WDR35: variants seen among roughly 807,000 people sequenced by gnomAD.
WDR35 encodes the protein WD repeat-containing protein 35.
In WDR35, 118 loss-of-function variants were observed where a neutral mutation model predicts 158.3. That is an observed-to-expected ratio of 0.75 (90% confidence interval 0.64 to 0.87). WDR35 has a LOEUF of 0.87. Ranked by LOEUF, WDR35 falls within the 40% of genes least tolerant of loss-of-function variation. The pLI, the probability that WDR35 is intolerant of heterozygous loss-of-function variation, is 0.00. For synonymous variants in WDR35, 448 were observed against 476.1 expected, an observed-to-expected ratio of 0.94 and a Z score of 0.77; for missense variants, 1,263 against 1,405.8, an observed-to-expected ratio of 0.90 and a Z score of 1.62.
At chr2:19,987,823 C>CAAAAAA (rs34794090) in intron 2 of WDR35, among the ~76,000 whole-genome samples, 1 of 57,164 alleles carries the variant, frequency 1.7e-5, no homozygotes, top group East Asian at 4.7e-4. Flanking sequence ...AACTCTGTCT[C>CAAAAAA]AAAAAAAAAA....
intron 9 of WDR35, among the ~76,000 whole-genome samples, chr2:19,967,749 G>A (rs1439188167): frequency 6.6e-6 from 1 of 152,028 alleles, no homozygotes; most frequent in Non-Finnish European, 1.5e-5. Flanking sequence ...TAGATGGACA[G>A]AAAAGTTGCA....
intron 15 of WDR35, among the ~76,000 whole-genome samples, 171 bp downstream of exon 15, chr2:19,946,290 G>A (rs866597780): frequency 4.6e-5 from 7 of 152,162 alleles, no homozygotes; most frequent in Non-Finnish European, 2.9e-5. Context: ...ACTTCCACAC[G>A]CCCAATTAAA....
intron 10 of WDR35, among the ~76,000 whole-genome samples, chr2:19,961,129 T>C (rs1299828024): frequency 6.6e-6 from 1 of 152,076 alleles, no homozygotes; most frequent in African/African-American, 2.4e-5. Flanking sequence ...AACATCAAAT[T>C]TATGGTGCAG....
chr2:19,951,590 T>C lies in WDR35; in HGVS notation c.1401-106A>G. On this transcript the variant is annotated intron_variant, in intron 12 of 26. Transcript: ENST00000281405. The stretch of plus-strand genomic sequence containing the variant: ...AACATCAATTAATACTGTTATTTAA[T>C]ATAAAAATTCTGATTATTTTAGAGA... 3 of 872,010 alleles carry C rather than the reference T, an allele frequency of 3.4e-6. No homozygotes were observed. In the Admixed American group the frequency reaches 7.7e-5, roughly 22 times the overall value. 54.0% of individuals were successfully genotyped at this position (872,010 alleles called of 1,614,324 possible). A position where few individuals can be genotyped will look rare whatever the true frequency, so the allele number is the denominator to read the frequency against.
chr2:19,931,435 A>T, intron 23 of WDR35, 26 bp from the exon 24 acceptor site: 1 of 1,611,312 alleles, frequency 6.2e-7, no homozygotes, highest in Non-Finnish European at 8.5e-7. Context: ...AAATTGAGGG[A>T]AGTTACTTCT....
intron 25 of WDR35, among the ~76,000 whole-genome samples, chr2:19,914,635 C>T (rs951070848): frequency 6.6e-6 from 1 of 152,026 alleles, no homozygotes; most frequent in African/African-American, 2.4e-5. Flanking sequence ...GAGTATTATA[C>T]TATGTTAGTC....
At chr2:19,987,883 G>GAC (rs1014122696) in intron 2 of WDR35, among the ~76,000 whole-genome samples, 13 of 141,014 alleles carry the variant, frequency 9.2e-5, no homozygotes, top group African/African-American at 3.5e-4. Context: ...TGTATATACA[G>GAC]ACACACATAT....
At chr2:19,966,230 A>G (rs940685913) in intron 10 of WDR35, among the ~76,000 whole-genome samples, 11 of 152,212 alleles carry the variant, frequency 7.2e-5, no homozygotes, top group Non-Finnish European at 1.5e-4. Flanking sequence ...GCAAATATTT[A>G]AGTTGTTAGT....
chr2:19,919,304 C>A (rs1670086293), intron 25 of WDR35, among the ~76,000 whole-genome samples: 1 of 148,850 alleles, frequency 6.7e-6, no homozygotes, highest in Non-Finnish European at 1.5e-5. Flanking sequence ...TGGTGTGAAC[C>A]CAGGAGGCGG....
At chr2:19,977,851 T>C (rs896317998) in intron 5 of WDR35, among the ~76,000 whole-genome samples, 42 of 152,176 alleles carry the variant, frequency 2.8e-4, no homozygotes, top group Non-Finnish European at 5.6e-4. Context: ...GGCCCAAACA[T>C]AGCTAAGTGC....
At chr2:19,948,972 G>C (rs911913555) in intron 13 of WDR35, among the ~76,000 whole-genome samples, 1 of 151,482 alleles carries the variant, frequency 6.6e-6, no homozygotes, top group Non-Finnish European at 1.5e-5. Flanking sequence ...GATAAAACTA[G>C]ATAAACCTAC....
chr2:19,915,919 TAAAAAAA>T (rs4035119), intron 25 of WDR35, among the ~76,000 whole-genome samples: 1 of 124,772 alleles, frequency 8.0e-6, no homozygotes, highest in African/African-American at 3.1e-5. Context: ...AGACTCCATC[TAAAAAAA>T]AAAAAAAAAA....
At chr2:19,921,082 G>T (rs1451417518) in intron 25 of WDR35, among the ~76,000 whole-genome samples, 1 of 152,100 alleles carries the variant, frequency 6.6e-6, no homozygotes, top group Non-Finnish European at 1.5e-5. Flanking sequence ...AATAAGAGAG[G>T]ACACAAACAA....
At chr2:19,928,298 G>A (rs1490855386) in intron 25 of WDR35, among the ~76,000 whole-genome samples, 1 of 152,152 alleles carries the variant, frequency 6.6e-6, no homozygotes, top group African/African-American at 2.4e-5. Context: ...TTCCCATAAG[G>A]GATACTTTTA....
At chr2:19,988,422 A>G (rs1351278903) in intron 2 of WDR35, among the ~76,000 whole-genome samples, 2 of 151,990 alleles carry the variant, frequency 1.3e-5, no homozygotes, top group Non-Finnish European at 2.9e-5. Context: ...CATCTTAACA[A>G]CCTCTTCCAG....
chr2:19,985,899 GAAAAAAAAAAAA>G (rs70939024), intron 2 of WDR35, among the ~76,000 whole-genome samples: 5 of 71,198 alleles, frequency 7.0e-5, no homozygotes, highest in South Asian at 7.3e-4. Context: ...CCCATCTCGG[GAAAAAAAAAAAA>G]AAAAAAAAAA....
intron 25 of WDR35, among the ~76,000 whole-genome samples, chr2:19,921,728 G>A (rs1670173597): frequency 6.6e-6 from 1 of 152,134 alleles, no homozygotes; most frequent in African/African-American, 2.4e-5. Flanking sequence ...ATAGAAAAAT[G>A]GGATCTGATT....
intron 17 of WDR35, among the ~76,000 whole-genome samples, chr2:19,941,134 T>G (rs979728999): frequency 2.0e-5 from 3 of 152,094 alleles, no homozygotes; most frequent in African/African-American, 7.2e-5. Flanking sequence ...ATATATTACA[T>G]AGAAAAAGTT....
intron 5 of WDR35, among the ~76,000 whole-genome samples, chr2:19,976,636 G>C (rs1672222774): frequency 6.7e-6 from 1 of 150,100 alleles, no homozygotes; most frequent in Non-Finnish European, 1.5e-5. Flanking sequence ...AAAAAAGAAA[G>C]AAACTGCCTT....
Sources: gnomAD v4.1 joint callset for allele counts (sites outside exome capture counted in the v4.1 genomes callset) on GRCh38, gnomAD v4.1.1 for gene constraint, MANE v1.5 for transcripts, NCBI Gene and HGNC (gene_info 2026-07-23, HGNC 2026-07-21) for gene names.